Variants in HEATR6 observed in about 807,000 individuals in gnomAD.
HEATR6 encodes the protein HEAT repeat containing 6.
In HEATR6, 106 loss-of-function variants were observed where a neutral mutation model predicts 132.8. That is an observed-to-expected ratio of 0.80 (90% CI 0.68 to 0.94). The LOEUF (loss-of-function observed/expected upper bound fraction) is 0.94. HEATR6 is among the 40% of genes least tolerant of loss of function. The pLI is 0.00. For synonymous variants in HEATR6, 529 were observed against 537.8 expected (o/e 0.98, Z 0.23); for missense variants, 1,339 against 1,425.1 (o/e 0.94, Z 0.97).
rs764931174 is a variant in HEATR6, at chr17:60,073,220, C to T, written c.528G>A (p.Gln176=). Reference sequence around the variant, plus strand: ...CAGCTCTCCTGACTTCAGGATCAGACTGAGCCAAGTCACTCAACTTCATTA... The same window carrying T: ...CAGCTCTCCTGACTTCAGGATCAGATTGAGCCAAGTCACTCAACTTCATTA... ...GLLMKLSDLA[Q]SDPEVRRAAV... is the part of the protein sequence containing the mutation. Residue 176 remains glutamine (Q), a synonymous_variant, in exon 4 of 20, where the codon CAG becomes CAA. Transcript: ENST00000184956. The T allele has an allele frequency of 6.2e-7, 1 of 1,613,962 alleles. No individual in the cohort carries two copies. The highest frequency in any genetic ancestry group is 8.5e-7 in the Non-Finnish European group (1 of 1,179,862).
At chr17:60,053,629 C>T (rs1906653418) in intron 14 of HEATR6, among the ~76,000 whole-genome samples, 1 of 152,138 alleles carries the variant, frequency 6.6e-6, no homozygotes, top group Non-Finnish European at 1.5e-5. Context: ...CTGAGGAGGT[C>T]TCAGATAGAA....
Position 60,070,816 on chromosome 17 carries a change from A to G in HEATR6, c.700-9T>C, listed in dbSNP as rs755863743. On this transcript the variant is annotated splice_polypyrimidine_tract_variant and intron_variant, in intron 5 of 19. Transcript: ENST00000184956. ...AATGCATTTTGCAATAACTAGGGGG[A>G]AAAGGGAGACCCAGTTAGAAGGCAG... is the stretch of plus-strand genomic sequence containing the variant. 170 of 1,413,280 alleles carry G rather than the reference A, an allele frequency of 1.2e-4. 2 individuals carry two copies. In the Middle Eastern group the frequency reaches 3.2e-3, roughly 26 times the overall value. 87.5% of individuals were successfully genotyped at this position (1,413,280 alleles called of 1,614,324 possible).
At chr17:60,056,599 G>A (rs1317886296) in intron 12 of HEATR6, among the ~76,000 whole-genome samples, 1 of 152,140 alleles carries the variant, frequency 6.6e-6, no homozygotes, top group East Asian at 1.9e-4. Flanking sequence ...CCTAGTCTCA[G>A]ATCATATTTG....
intron 8 of HEATR6, among the ~76,000 whole-genome samples, chr17:60,066,829 T>C (rs1464130959): frequency 2.0e-5 from 3 of 152,166 alleles, no homozygotes; most frequent in Admixed American, 6.5e-5. Flanking sequence ...GAGATAACTA[T>C]CACATGTTAC....
In HEATR6 at chr17:60,067,613, C is replaced by T. The variant is rs115075542; in HGVS notation, c.1059G>A (p.Leu353=). 1,006 of 1,612,330 alleles carry T rather than the reference C, an allele frequency of 6.2e-4. 6 individuals carry two copies. In the African/African-American group the frequency reaches 0.012, roughly 20 times the overall value. ...APVTGTGRVN[L]HEGNTWCPSS... ...AGGGACACCAAGTGTTCCCTTCATG[C>T]AGGTTCACTCTGCCTGTGCCAGTGA... The change falls in exon 8 of 20, where the codon CTG becomes CTA. Residue 353 remains leucine (L), a synonymous_variant. Transcript: ENST00000184956.
intron 7 of HEATR6, 24 bp downstream of exon 7, chr17:60,069,687 A>T: frequency 6.2e-7 from 1 of 1,608,032 alleles, no homozygotes; most frequent in Non-Finnish European, 8.5e-7. Context: ...GCCACAACTT[A>T]AATCTAAATA....
chr17:60,059,815 CT>C, intron 10 of HEATR6, 74 bp downstream of exon 10: 1 of 1,092,476 alleles, frequency 9.2e-7, no homozygotes, highest in Non-Finnish European at 1.4e-6. Flanking sequence ...AGTCAAGTTA[CT>C]TTTGAGCTAT....
intron 9 of HEATR6, among the ~76,000 whole-genome samples, chr17:60,065,174 T>C (rs540998150): frequency 6.6e-6 from 1 of 152,232 alleles, no homozygotes; most frequent in Non-Finnish European, 1.5e-5. Context: ...TTTCTGCCAG[T>C]TTAATTTCCT....
chr17:60,067,396 A>C (rs775160583), intron 8 of HEATR6, 38 bp downstream of exon 8: 24 of 1,416,938 alleles, frequency 1.7e-5, no homozygotes, highest in Non-Finnish European at 2.1e-5. Flanking sequence ...CATGCAACTT[A>C]GAATACAAGG....
At chr17:60,078,632 G>C in intron 1 of HEATR6, 64 bp downstream of exon 1, 1 of 1,305,444 alleles carries the variant, frequency 7.7e-7, no homozygotes, top group East Asian at 2.5e-5. Flanking sequence ...GGCAGGCAGA[G>C]GCCACCAGCT....
rs150674658 is a variant in HEATR6 at position 60,057,215 on chromosome 17, C to G, written c.1912G>C (p.Glu638Gln). 20 of 1,614,078 alleles carry G rather than the reference C, an allele frequency of 1.2e-5. No homozygotes were observed. Among genetic ancestry groups the G allele is most frequent in the Non-Finnish European group, 1.7e-5 (20 of 1,180,042 alleles). ...KKAPAGPSLE[E>Q]TSVSSPKGSS... ...CCCTTAGGTGAGCTAACTGACGTTTCTTCCAGAGAGGGTCCTGCAGGGGCT... is the reference window on the plus strand; with the variant it reads ...CCCTTAGGTGAGCTAACTGACGTTTGTTCCAGAGAGGGTCCTGCAGGGGCT... Residue 638 changes from glutamate (E) to glutamine (Q), a missense_variant, in exon 12 of 20, where the codon GAA becomes CAA. Glu to Gln is a conservative substitution (Grantham distance 29, BLOSUM62 2). Coordinates refer to ENST00000184956, the MANE Select transcript of HEATR6 (RefSeq NM_022070.5).
At chr17:60,077,313 G>T (rs192278367) in intron 1 of HEATR6, among the ~76,000 whole-genome samples, 32 of 152,284 alleles carry the variant, frequency 2.1e-4, no homozygotes, top group African/African-American at 7.7e-4. Flanking sequence ...AAAGTGGACA[G>T]AGTATGCAAA....
At position 60,043,307 on chromosome 17, in the gene HEATR6, G is replaced by T; in HGVS notation, c.*256C>A. On this transcript the variant is annotated 3_prime_UTR_variant, in exon 20 of 20. Coordinates refer to ENST00000184956, the MANE Select transcript of HEATR6 (RefSeq NM_022070.5). Reference sequence around the variant, plus strand: ...AAATGCCCTCAAAGCCCGTCTGCTTGGCCTGTATTACAACCTGACTCCTCG... The same window carrying T: ...AAATGCCCTCAAAGCCCGTCTGCTTTGCCTGTATTACAACCTGACTCCTCG... 2.2e-6 allele frequency: 1 copy of T among 448,448 alleles called. No homozygotes were observed. Among genetic ancestry groups the T allele is most frequent in the Non-Finnish European group, 4.0e-6 (1 of 252,516 alleles). The allele number at this position is 448,448 out of a possible 1,614,324, so 27.8% of individuals were successfully genotyped here. A position where few individuals can be genotyped will look rare whatever the true frequency, so the allele number is the denominator to read the frequency against.
At chr17:60,076,384 T>G in intron 1 of HEATR6, 147 bp from the exon 2 acceptor site, 6 of 571,544 alleles carry the variant, frequency 1.0e-5, no homozygotes, top group Non-Finnish European at 1.2e-5. Context: ...AATGAAGTGA[T>G]AGCACAAAAA....
In HEATR6 at chr17:60,057,143, C is replaced by G. The variant is rs147472962; in HGVS notation, c.1984G>C (p.Val662Leu). 6.2e-7 allele frequency: 1 copy of G among 1,614,080 alleles called. No homozygotes were observed. The highest frequency in any genetic ancestry group is 1.1e-5 in the South Asian group (1 of 91,084). ...GAACAGGAATCCTCCTTGGGCAGTA[C>G]GACAATGGAAATGCAGAGTCGAATG... Reference protein sequence around the residue: ...WLIRLCISIVVLPKEDSCSGS... With the variant: ...WLIRLCISIVLLPKEDSCSGS... Residue 662 changes from valine (V) to leucine (L), a missense_variant, in exon 12 of 20, where the codon GTA becomes CTA. Physicochemically the swap from Val to Leu is conservative, Grantham distance 32. Coordinates refer to ENST00000184956, the MANE Select transcript of HEATR6 (RefSeq NM_022070.5).
chr17:60,078,517 A>G (rs984022928), intron 1 of HEATR6, among the ~76,000 whole-genome samples, 179 bp downstream of exon 1: 3 of 152,142 alleles, frequency 2.0e-5, no homozygotes, highest in Non-Finnish European at 4.4e-5. Flanking sequence ...CGTGCCAAGC[A>G]CTGCAGGGTC....
chr17:60,051,257 C>T (rs1286692697), intron 14 of HEATR6, among the ~76,000 whole-genome samples: 1 of 152,238 alleles, frequency 6.6e-6, no homozygotes, highest in Non-Finnish European at 1.5e-5. Flanking sequence ...GTAACAGCAA[C>T]AGCAGCGGCA....
chr17:60,056,375 C>T (rs1906744493), intron 12 of HEATR6, 138 bp from the exon 13 acceptor site: 1 of 724,844 alleles, frequency 1.4e-6, no homozygotes. Flanking sequence ...GAACCATAAT[C>T]TTTATTTTGT....
Position 60,043,348 on chromosome 17 carries a change from G to T in HEATR6, c.*215C>A. On this transcript the variant is annotated 3_prime_UTR_variant, in exon 20 of 20. Coordinates refer to ENST00000184956, the MANE Select transcript of HEATR6 (RefSeq NM_022070.5). ...TGACTCCTCGGCTCCTGGATGCACA[G>T]GTCAGATGTTCCAACAACCCTGACC... 3 of 551,056 alleles carry T rather than the reference G, an allele frequency of 5.4e-6. No individual in the cohort carries two copies. The highest frequency in any genetic ancestry group is 3.2e-6 in the Non-Finnish European group (1 of 310,498). The allele number at this position is 551,056 out of a possible 1,614,324, so 34.1% of individuals were successfully genotyped here.
Sources: allele counts gnomAD v4.1 joint callset (sites outside exome capture counted in the v4.1 genomes callset), GRCh38; gene constraint gnomAD v4.1.1; transcripts MANE v1.5; gene names NCBI Gene and HGNC (gene_info 2026-07-23, HGNC 2026-07-21).